MARCHF3: variants seen among roughly 807,000 people sequenced by gnomAD.
MARCHF3 encodes membrane associated ring-CH-type finger 3.
In MARCHF3, 13 loss-of-function variants were observed where a neutral mutation model predicts 24.2. The ratio of observed to expected loss-of-function variants is 0.54; its 90% CI spans 0.35 to 0.85. The LOEUF is 0.85. MARCHF3 is among the 40% of genes least tolerant of loss of function. The pLI, the probability that MARCHF3 is intolerant of heterozygous loss-of-function variation, is 0.01. For synonymous variants in MARCHF3, 144 were observed against 137.3 expected (o/e 1.05, Z -0.34); for missense variants, 276 against 325.0 (o/e 0.85, Z 1.16).
intron 3 of MARCHF3, among the ~76,000 whole-genome samples, chr5:126,898,163 A>T (rs1753988336): frequency 6.6e-6 from 1 of 152,106 alleles, no homozygotes; most frequent in African/African-American, 2.4e-5. Context: ...AATACAAAAT[A>T]CCATGAAATT....
At chr5:126,887,519 A>C (rs1353652448) in intron 3 of MARCHF3, among the ~76,000 whole-genome samples, 1 of 152,230 alleles carries the variant, frequency 6.6e-6, no homozygotes, top group African/African-American at 2.4e-5. Context: ...ATATTTTGAT[A>C]CCTGTATTTT....
intron 1 of MARCHF3, among the ~76,000 whole-genome samples, chr5:127,003,552 C>A (rs985932506): frequency 1.3e-5 from 2 of 151,220 alleles, no homozygotes; most frequent in African/African-American, 4.9e-5. Flanking sequence ...GAGATGGAGA[C>A]CATCCTGTCT....
At chr5:126,950,363 C>G (rs1028308610) in intron 1 of MARCHF3, among the ~76,000 whole-genome samples, 2 of 152,124 alleles carry the variant, frequency 1.3e-5, no homozygotes, top group Admixed American at 1.3e-4. Flanking sequence ...TCACTCTTCT[C>G]GACAACAATT....
At chr5:126,974,088 C>A (rs190913947) in intron 1 of MARCHF3, among the ~76,000 whole-genome samples, 1 of 150,382 alleles carries the variant, frequency 6.6e-6, no homozygotes, top group Non-Finnish European at 1.5e-5. Context: ...TTAGTAGAGA[C>A]GGGGTTTCAC....
At position 126,870,195 on chromosome 5, in the gene MARCHF3, A is replaced by G. The variant is rs1306524941; in HGVS notation, c.*438T>C. 1 of 152,860 alleles carries G rather than the reference A, an allele frequency of 6.5e-6. No homozygotes were observed. Among genetic ancestry groups the G allele is most frequent in the African/African-American group, 2.4e-5 (1 of 41,436 alleles). 9.5% of individuals were successfully genotyped at this position (152,860 alleles called of 1,614,324 possible). On this transcript the variant is annotated 3_prime_UTR_variant, in exon 5 of 5. Transcript: ENST00000308660. ...GAAACTGAGAAACAAACTAACTCAAATAAGACCCAACCAAACCAAGAAACC... is the reference window on the plus strand; with the variant it reads ...GAAACTGAGAAACAAACTAACTCAAGTAAGACCCAACCAAACCAAGAAACC...
chr5:126,956,680 AC>A (rs1244512719), intron 1 of MARCHF3, among the ~76,000 whole-genome samples: 7 of 150,308 alleles, frequency 4.7e-5, no homozygotes, highest in East Asian at 1.9e-4. Flanking sequence ...AACCAAAAAA[AC>A]AACAACAAAA....
At chr5:126,957,092 G>C (rs1047521736) in intron 1 of MARCHF3, among the ~76,000 whole-genome samples, 8 of 151,272 alleles carry the variant, frequency 5.3e-5, no homozygotes, top group African/African-American at 1.9e-4. Flanking sequence ...AGTTTTTTTT[G>C]ACATAAACAT....
chr5:126,934,939 C>A (rs1476234626), intron 1 of MARCHF3, among the ~76,000 whole-genome samples: 1 of 152,170 alleles, frequency 6.6e-6, no homozygotes, highest in Non-Finnish European at 1.5e-5. Context: ...CGATTTGAAA[C>A]TCATGTACAC....
intron 1 of MARCHF3, among the ~76,000 whole-genome samples, chr5:126,937,152 A>G (rs917935972): frequency 2.6e-5 from 4 of 152,246 alleles, no homozygotes; most frequent in Non-Finnish European, 5.9e-5. Context: ...CACTGCAGCA[A>G]TGTAACAAAC....
chr5:127,000,262 GA>G (rs940503578), intron 1 of MARCHF3, among the ~76,000 whole-genome samples: 5 of 147,922 alleles, frequency 3.4e-5, no homozygotes, highest in East Asian at 4.0e-4. Flanking sequence ...AGATCTTTTT[GA>G]AAAAAAAATG....
In MARCHF3 at chr5:126,966,573, A is replaced by G. The variant is rs553599922; in HGVS notation, c.-56-48346T>C. 3.9e-5 allele frequency among the ~76,000 whole-genome samples: 6 copies of G among 152,200 alleles called. No individual in the cohort carries two copies. In the South Asian group the frequency reaches 1.2e-3, roughly 32 times the overall value. ...AGACTTTAAAATAAAGCTATTAAGG[A>G]TTTTTAAACCATCTTTTGGGTGAAT... On this transcript the variant is annotated intron_variant, in intron 1 of 4. Coordinates refer to ENST00000308660, the MANE Select transcript of MARCHF3 (RefSeq NM_178450.5).
intron 1 of MARCHF3, among the ~76,000 whole-genome samples, chr5:127,022,048 T>C (rs1171049984): frequency 6.6e-6 from 1 of 152,228 alleles, no homozygotes; most frequent in Admixed American, 6.5e-5. Context: ...AATATGTGTG[T>C]TGCTATTTGA....
chr5:126,986,397 A>AT (rs1200623932), intron 1 of MARCHF3, among the ~76,000 whole-genome samples: 1 of 152,220 alleles, frequency 6.6e-6, no homozygotes, highest in Admixed American at 6.5e-5. Context: ...AATGTAAGCA[A>AT]TTTTTTGAGC....
intron 3 of MARCHF3, among the ~76,000 whole-genome samples, chr5:126,914,468 G>A (rs989442844): frequency 6.6e-6 from 1 of 151,956 alleles, no homozygotes; most frequent in Admixed American, 6.6e-5. Flanking sequence ...ACAGAACCCA[G>A]GACATCTGGG....
intron 3 of MARCHF3, among the ~76,000 whole-genome samples, chr5:126,908,587 G>GTATCCTT (rs1477543391): frequency 1.3e-5 from 2 of 151,824 alleles, no homozygotes; most frequent in Non-Finnish European, 2.9e-5. Context: ...TCCATCAATG[G>GTATCCTT]TATCCTTTCT....
chr5:126,943,502 G>C lies in MARCHF3; in HGVS notation c.-56-25275C>G, dbSNP rs559426728. Reference sequence around the variant, plus strand: ...GGAGGCTGAGGTGGGAGGATCACTTGAGCCCAGGAGGTCGAGGCTGCAGTG... The same window carrying C: ...GGAGGCTGAGGTGGGAGGATCACTTCAGCCCAGGAGGTCGAGGCTGCAGTG... On this transcript the variant is annotated intron_variant, in intron 1 of 4. Transcript: ENST00000308660. Among the ~76,000 whole-genome samples the C allele has an allele frequency of 4.0e-5, 6 of 151,674 alleles. No individual in the cohort carries two copies. In the South Asian group the frequency reaches 1.3e-3, roughly 32 times the overall value.
chr5:126,951,680 G>A (rs1215426334), intron 1 of MARCHF3, among the ~76,000 whole-genome samples: 1 of 152,134 alleles, frequency 6.6e-6, no homozygotes, highest in Non-Finnish European at 1.5e-5. Flanking sequence ...TGCTGGCTAA[G>A]TTCATGGGAC....
chr5:126,922,429 T>C (rs960749401), intron 1 of MARCHF3, among the ~76,000 whole-genome samples: 3 of 152,238 alleles, frequency 2.0e-5, no homozygotes, highest in Non-Finnish European at 4.4e-5. Flanking sequence ...GAACATGCCA[T>C]GTACAGAGAA....
intron 1 of MARCHF3, among the ~76,000 whole-genome samples, chr5:126,975,349 TTCTC>T (rs936219277): frequency 4.6e-5 from 7 of 152,244 alleles, no homozygotes; most frequent in African/African-American, 1.7e-4. Context: ...TTAAGTTTTC[TTCTC>T]TTTTTAATTG....
Sources: gnomAD v4.1 joint callset for allele counts (sites outside exome capture counted in the v4.1 genomes callset) on GRCh38, gnomAD v4.1.1 for gene constraint, MANE v1.5 for transcripts, NCBI Gene and HGNC (gene_info 2026-07-23, HGNC 2026-07-21) for gene names.